The following C19orf44 variants were observed in gnomAD, a reference collection of about 807,000 sequenced individuals.
C19orf44 encodes uncharacterized protein C19orf44.
Under a neutral mutation model 50.7 loss-of-function variants are expected in C19orf44, and 43 were observed. The ratio of observed to expected loss-of-function variants is 0.85; its 90% CI spans 0.66 to 1.09. The LOEUF is 1.09. C19orf44 is among the 50% of genes least tolerant of loss of function. C19orf44 has a pLI of 0.00. For missense variants in C19orf44, 722 were observed against 836.2 expected (o/e 0.86, Z 1.68); for synonymous variants, 298 against 334.7 (o/e 0.89, Z 1.20).
chr19:16,513,070 C>T lies in C19orf44; in HGVS notation c.1696C>T (p.Pro566Ser), dbSNP rs1452892435. 2.5e-6 allele frequency: 4 copies of T among 1,613,828 alleles called. No individual in the cohort carries two copies. The highest frequency in any genetic ancestry group is 3.4e-6 in the Non-Finnish European group (4 of 1,180,042). Residue 566 changes from proline to serine, a missense_variant, in exon 6 of 9, where the codon CCC (proline) becomes TCC (serine). Coordinates refer to ENST00000221671, the MANE Select transcript of C19orf44 (RefSeq NM_032207.4). The stretch of plus-strand genomic sequence containing the variant: ...GGGAGGCGCCTACGTGGACCCGACA[C>T]CCATCGCCAATCATGTTATCAGTGC... The part of the protein sequence containing the change: ...ALGGAYVDPT[P>S]IANHVISADA...
At chr19:16,512,656 C>T (rs943551705) in intron 5 of C19orf44, among the ~76,000 whole-genome samples, 2 of 151,928 alleles carry the variant, frequency 1.3e-5, no homozygotes, top group Non-Finnish European at 2.9e-5. Context: ...TTGCTTGAGC[C>T]TAGGAGTTCA....
chr19:16,500,767 C>T, intron 1 of C19orf44, 25 bp from the exon 2 acceptor site: 1 of 1,539,534 alleles, frequency 6.5e-7, no homozygotes, highest in Non-Finnish European at 8.7e-7. Context: ...TACTCTTATG[C>T]AAAATTGCTC....
Position 16,517,323 on chromosome 19 carries a change from C to T in C19orf44, c.*22C>T, listed in dbSNP as rs371365939. On this transcript the variant is annotated 3_prime_UTR_variant, in exon 8 of 9. Transcript: ENST00000221671. ...GTGAGCGCCAGCAGGTGGAGCTTGACGTGACGTCTTAACAAAAGGTATCCC... is the reference window on the plus strand; with the variant it reads ...GTGAGCGCCAGCAGGTGGAGCTTGATGTGACGTCTTAACAAAAGGTATCCC... 9.7e-5 allele frequency: 156 copies of T among 1,609,920 alleles called. No individual in the cohort carries two copies. The African/African-American group carries it at 1.4e-3, about 14-fold the overall frequency.
At position 16,520,512 on chromosome 19, in the gene C19orf44, G is replaced by A. The variant is rs770925579; in HGVS notation, c.*459G>A. 8 of 1,609,822 alleles carry A rather than the reference G, an allele frequency of 5.0e-6. No homozygotes were observed. The Admixed American group carries it at 5.0e-5, about 10-fold the overall frequency. On this transcript the variant is annotated 3_prime_UTR_variant, in exon 9 of 9. Transcript: ENST00000221671. This position sits in a 1 kb window ranked among gnomAD's most constrained non-coding sequence, Gnocchi z 4.0. ...CTCCGAGACCTCGAGGGTCCGCTGT[G>A]GGGAGAGGCCTGATGATCAGGTGCC...
Position 16,503,168 on chromosome 19 carries a change from C to T in C19orf44, c.863C>T (p.Thr288Ile), listed in dbSNP as rs771011628. The stretch of plus-strand genomic sequence containing the variant: ...CCAACCTCCCTGGCAGCAGACAGAA[C>T]CCTTCACAGCACTCGCTCAAGAGCA... ...HLPTSLAADRTLHSTRSRADY... is the reference protein window; with the variant it reads ...HLPTSLAADRILHSTRSRADY... Residue 288 changes from threonine (T) to isoleucine (I), a missense_variant, in exon 3 of 9, where the codon ACC becomes ATC. Thr to Ile is a moderately conservative substitution (Grantham distance 89, BLOSUM62 -1). Transcript: ENST00000221671. The T allele has an allele frequency of 3.3e-5, 54 of 1,614,058 alleles. No individual in the cohort carries two copies. The highest frequency in any genetic ancestry group is 2.6e-5 in the Non-Finnish European group (31 of 1,180,044).
chr19:16,520,621 G>C lies in C19orf44; in HGVS notation c.*568G>C. The C allele has an allele frequency of 7.7e-7, 1 of 1,302,860 alleles. No homozygotes were observed. Among genetic ancestry groups the C allele is most frequent in the Non-Finnish European group, 1.1e-6 (1 of 931,112 alleles). The allele number at this position is 1,302,860 out of a possible 1,614,324, so 80.7% of individuals were successfully genotyped here. A position where few individuals can be genotyped will look rare whatever the true frequency, so the allele number is the denominator to read the frequency against. On this transcript the variant is annotated 3_prime_UTR_variant, in exon 9 of 9. Transcript: ENST00000221671. The surrounding 1 kb of genome is among the most constrained non-coding windows in gnomAD (Gnocchi z 4.0). ...TGCAGGGGCTCTGGCTGTGGATGTGGCGCCATAGCCACAGCAACGGTACCA... is the reference window on the plus strand; with the variant it reads ...TGCAGGGGCTCTGGCTGTGGATGTGCCGCCATAGCCACAGCAACGGTACCA...
rs1001318954 is a variant in C19orf44 at position 16,520,568 on chromosome 19, G to T, written c.*515G>T. 1 of 1,560,144 alleles carries T rather than the reference G, an allele frequency of 6.4e-7. No homozygotes were observed. Among genetic ancestry groups the T allele is most frequent in the Non-Finnish European group, 8.7e-7 (1 of 1,150,490 alleles). ...GGATGGGCTGCACCCAGCCCACCCT[G>T]GCCCTCAGGTTCCTAGACCACCCCA... is the stretch of plus-strand genomic sequence containing the variant. On this transcript the variant is annotated 3_prime_UTR_variant, in exon 9 of 9. Transcript: ENST00000221671. This position sits in a 1 kb window ranked among gnomAD's most constrained non-coding sequence, Gnocchi z 4.0.
Position 16,503,314 on chromosome 19 carries a change from C to G in C19orf44, c.1009C>G (p.Pro337Ala). Residue 337 changes from proline (P) to alanine (A), a missense_variant, in exon 3 of 9, where the codon CCG (proline) becomes GCG (alanine). Coordinates refer to ENST00000221671, the MANE Select transcript of C19orf44 (RefSeq NM_032207.4). ...KMGHVKLVSSPGRSEAETVDE... is the reference protein window; with the variant it reads ...KMGHVKLVSSAGRSEAETVDE... The stretch of plus-strand genomic sequence containing the variant: ...GGGGCATGTCAAGCTTGTGTCCTCC[C>G]CGGGAAGGAGTGAGGCTGAGACTGT... 1.2e-6 allele frequency: 2 copies of G among 1,614,128 alleles called. No individual in the cohort carries two copies. The highest frequency in any genetic ancestry group is 1.7e-6 in the Non-Finnish European group (2 of 1,180,030).
intron 5 of C19orf44, among the ~76,000 whole-genome samples, chr19:16,511,574 T>A (rs910486357): frequency 8.6e-5 from 13 of 151,830 alleles, no homozygotes; most frequent in African/African-American, 3.1e-4. Flanking sequence ...ATGTTATTAT[T>A]TTATTTTATA....
intron 1 of C19orf44, among the ~76,000 whole-genome samples, chr19:16,497,651 G>T (rs2093413826): frequency 6.6e-6 from 1 of 152,032 alleles, no homozygotes; most frequent in Non-Finnish European, 1.5e-5. Context: ...GCCCGGCTTG[G>T]CTACTTTCCC....
At position 16,509,497 on chromosome 19, in the gene C19orf44, A is replaced by G. The variant is rs1448389524; in HGVS notation, c.1150-2A>G. 1 of 1,532,742 alleles carries G rather than the reference A, an allele frequency of 6.5e-7. No homozygotes were observed. Among genetic ancestry groups the G allele is most frequent in the East Asian group, 2.3e-5 (1 of 44,248 alleles). The allele number at this position is 1,532,742 out of a possible 1,614,324, so 94.9% of individuals were successfully genotyped here. A position where few individuals can be genotyped will look rare whatever the true frequency, so the allele number is the denominator to read the frequency against. ...AGCCACCTCTGCCATTCTTCATTTT[A>G]GGAGGAAAGTGCTCAGAGACAAAAA... On this transcript the variant is annotated splice_acceptor_variant, in intron 4 of 8. Transcript: ENST00000221671. LOFTEE classifies it high-confidence loss of function.
chr19:16,506,824 A>ATTT (rs749078832), intron 4 of C19orf44, 50 bp downstream of exon 4: 1 of 1,219,552 alleles, frequency 8.2e-7, no homozygotes, highest in Non-Finnish European at 1.1e-6. Context: ...TGGCTTCAAC[A>ATTT]TTTTTTTTTT....
chr19:16,507,463 T>G (rs1041502136), intron 4 of C19orf44, among the ~76,000 whole-genome samples: 11 of 150,732 alleles, frequency 7.3e-5, no homozygotes, highest in Admixed American at 4.0e-4. Flanking sequence ...ATTGTTTTTA[T>G]TTTATTATTA....
In C19orf44 at chr19:16,517,229, G is replaced by C; in HGVS notation, c.1903-1G>C. On this transcript the variant is annotated splice_acceptor_variant, in intron 7 of 8. Transcript: ENST00000221671. LOFTEE classifies it high-confidence loss of function. Reference sequence around the variant, plus strand: ...GGCGTGGTCTGTTCTCTGCCTGACAGTACATTAGGTGCCACAGACCTGCCC... The same window carrying C: ...GGCGTGGTCTGTTCTCTGCCTGACACTACATTAGGTGCCACAGACCTGCCC... The C allele has an allele frequency of 1.2e-6, 2 of 1,614,030 alleles. No homozygotes were observed. Among genetic ancestry groups the C allele is most frequent in the Non-Finnish European group, 1.7e-6 (2 of 1,179,920 alleles).
chr19:16,507,791 CTATTATTAT>C (rs558130158), intron 4 of C19orf44, among the ~76,000 whole-genome samples: 3 of 149,364 alleles, frequency 2.0e-5, no homozygotes, highest in South Asian at 2.1e-4. Flanking sequence ...TGCGCCTGGC[CTATTATTAT>C]TATTATTATT....
Position 16,514,617 on chromosome 19 carries a change from TGGACGC to T in C19orf44, c.1861_1866del (p.Ala621_Asp622del). The T allele has an allele frequency of 6.3e-7, 1 of 1,594,646 alleles. No homozygotes were observed. The highest frequency in any genetic ancestry group is 8.5e-7 in the Non-Finnish European group (1 of 1,171,844). On this transcript the variant is annotated inframe_deletion, in exon 7 of 9. Transcript: ENST00000221671. ...CTGCACGCCTCCCTCCTGCGCTCCC[TGGACGC>T]GGACTCCTTCCACTACCACACCCTG...
intron 4 of C19orf44, among the ~76,000 whole-genome samples, chr19:16,508,732 G>A (rs1286284291): frequency 1.3e-5 from 2 of 152,082 alleles, no homozygotes; most frequent in African/African-American, 4.8e-5. Context: ...ACAGAGGTAG[G>A]GTCTTGCTAT....
intron 1 of C19orf44, among the ~76,000 whole-genome samples, chr19:16,499,797 CT>C (rs998204987): frequency 1.4e-4 from 21 of 147,360 alleles, no homozygotes; most frequent in Middle Eastern, 6.9e-3. Flanking sequence ...AGCGGTTCTT[CT>C]TTTTTTTTTG....
In C19orf44 at chr19:16,503,134, T is replaced by C; in HGVS notation, c.829T>C (p.Ser277Pro). The C allele has an allele frequency of 6.2e-7, 1 of 1,614,144 alleles. No homozygotes were observed. Among genetic ancestry groups the C allele is most frequent in the Non-Finnish European group, 8.5e-7 (1 of 1,180,022 alleles). Reference sequence around the variant, plus strand: ...CTCCAGCGCAAAGCCTTCTCAGACATCACACCTGCCAACCTCCCTGGCAGC... The same window carrying C: ...CTCCAGCGCAAAGCCTTCTCAGACACCACACCTGCCAACCTCCCTGGCAGC... ...ELSSAKPSQT[S>P]HLPTSLAADR... Residue 277 changes from serine to proline, a missense_variant, in exon 3 of 9, where the codon TCA becomes CCA. Transcript: ENST00000221671.
Sources: gnomAD v4.1 joint callset for allele counts (sites outside exome capture counted in the v4.1 genomes callset) on GRCh38, gnomAD v4.1.1 for gene constraint, Gnocchi (gnomAD v3.1) non-coding constraint, MANE v1.5 for transcripts, NCBI Gene and HGNC (gene_info 2026-07-23, HGNC 2026-07-21) for gene names.